The following NFATC1 variants were observed in gnomAD, a reference collection of about 807,000 sequenced individuals.
NFATC1 encodes nuclear factor of activated T cells 1.
In NFATC1, 22 loss-of-function variants were observed where a neutral mutation model predicts 76.0. That is an observed-to-expected ratio of 0.29 (90% CI 0.21 to 0.41). The LOEUF (loss-of-function observed/expected upper bound fraction) is 0.41, where lower values mean the gene tolerates loss of function less well. NFATC1 is among the 10% of genes least tolerant of loss of function. The pLI is 1.00. For missense variants in NFATC1, 1,357 were observed against 1,337.7 expected (o/e 1.01, Z -0.23); for synonymous variants, 704 against 613.1 (o/e 1.15, Z -2.19).
At chr18:79,486,104 TA>T in intron 8 of NFATC1, 143 bp from the exon 9 acceptor site, 1 of 717,436 alleles carries the variant, frequency 1.4e-6, no homozygotes, top group Non-Finnish European at 2.4e-6. Context: ...CTTTTTTTTT[TA>T]ATGGGGTGGG....
At chr18:79,494,175 C>G (rs1207043069) in intron 9 of NFATC1, among the ~76,000 whole-genome samples, 1 of 152,370 alleles carries the variant, frequency 6.6e-6, no homozygotes, top group South Asian at 2.1e-4. Context: ...AGCCAGCGAC[C>G]GCGAGGGACA....
rs182816629 is a variant in NFATC1 at position 79,423,259 on chromosome 18, G to A, written c.1227-10320G>A. Among the ~76,000 whole-genome samples, 127 of 152,262 alleles carry A rather than the reference G, an allele frequency of 8.3e-4. 1 individual carries two copies. Among genetic ancestry groups the A allele is most frequent in the African/African-American group, 3.0e-3 (123 of 41,544 alleles). ...CTTTAAAACAAAACCTCTGCACTCC[G>A]GCCTCACAGCCCAGATCCCGCGCGC... On this transcript the variant is annotated intron_variant, in intron 2 of 9. Coordinates refer to ENST00000427363, the MANE Select transcript of NFATC1 (RefSeq NM_001278669.2).
In NFATC1 at chr18:79,463,838, A is replaced by G. The variant is rs560265325; in HGVS notation, c.1959+2472A>G. Reference sequence around the variant, plus strand: ...CACATGCACGCGGGTTGCGGGATGCAGGATGCCGGAGCTGGGCTGCCCAGC... The same window carrying G: ...CACATGCACGCGGGTTGCGGGATGCGGGATGCCGGAGCTGGGCTGCCCAGC... On this transcript the variant is annotated intron_variant, in intron 7 of 9. Coordinates refer to ENST00000427363, the MANE Select transcript of NFATC1 (RefSeq NM_001278669.2). 2.6e-3 allele frequency among the ~76,000 whole-genome samples: 390 copies of G among 152,248 alleles called. 1 individual carries two copies. Among genetic ancestry groups the G allele is most frequent in the African/African-American group, 8.9e-3 (368 of 41,576 alleles).
At position 79,449,072 on chromosome 18, in the gene NFATC1, C is replaced by T. The variant is rs573890224; in HGVS notation, c.1589+88C>T. The T allele has an allele frequency of 3.4e-4, 462 of 1,349,814 alleles. No homozygotes were observed. In the African/African-American group the frequency reaches 5.8e-3, roughly 17 times the overall value. The allele number at this position is 1,349,814 out of a possible 1,614,324, so 83.6% of individuals were successfully genotyped here. On this transcript the variant is annotated intron_variant, in intron 4 of 9. Coordinates refer to ENST00000427363, the MANE Select transcript of NFATC1 (RefSeq NM_001278669.2). ...CAGTCCCGGGGGGTCTGGCCAGCCC[C>T]CCGCACTTCCAGGCTGCGTGGCCAG...
In NFATC1 at chr18:79,396,308, GC is replaced by G; in HGVS notation, c.87del (p.Ala30ArgfsTer8). ...TCTTCGGGAGAGGAGAAACTTTGGG[GC>G]CCGCGCCGCGCGCCGGCGGCACCAT... ...AVFGRGETLG[P>X]APRAGGTMKS... On this transcript the variant is annotated frameshift_variant, in exon 1 of 10. Coordinates refer to ENST00000427363, the MANE Select transcript of NFATC1 (RefSeq NM_001278669.2). LOFTEE classifies it high-confidence loss of function. The G allele has an allele frequency of 1.4e-6, 2 of 1,426,798 alleles. No individual in the cohort carries two copies. Among genetic ancestry groups the G allele is most frequent in the Non-Finnish European group, 1.9e-6 (2 of 1,076,168 alleles). The allele number at this position is 1,426,798 out of a possible 1,614,324, so 88.4% of individuals were successfully genotyped here.
intron 6 of NFATC1, among the ~76,000 whole-genome samples, chr18:79,457,958 G>A (rs961647672): frequency 6.6e-6 from 1 of 152,206 alleles, no homozygotes; most frequent in Non-Finnish European, 1.5e-5. Flanking sequence ...GAAGCCCACC[G>A]TGTGGCTGCC....
At chr18:79,492,455 A>G (rs1401800727) in intron 9 of NFATC1, among the ~76,000 whole-genome samples, 1 of 152,022 alleles carries the variant, frequency 6.6e-6, no homozygotes, top group East Asian at 1.9e-4. Flanking sequence ...CAGGCCTGTA[A>G]TCCCTGTACT....
intron 3 of NFATC1, among the ~76,000 whole-genome samples, chr18:79,445,082 G>C (rs1431974034): frequency 1.3e-5 from 2 of 152,264 alleles, no homozygotes. Flanking sequence ...GGTTTGGGGT[G>C]CTCCCTTCGA....
At chr18:79,486,120 C>A in intron 8 of NFATC1, 128 bp from the exon 9 acceptor site, 1 of 783,986 alleles carries the variant, frequency 1.3e-6, no homozygotes, top group Non-Finnish European at 2.1e-6. Context: ...GGTGGGAGAA[C>A]CAGGCAGGAG....
chr18:79,404,751 C>T (rs938722972), intron 1 of NFATC1, among the ~76,000 whole-genome samples: 4 of 152,208 alleles, frequency 2.6e-5, no homozygotes, highest in East Asian at 1.9e-4. Flanking sequence ...AAGGCAGAGG[C>T]GTGGCTGTCC....
rs1252447668 is a variant in NFATC1 at position 79,450,947 on chromosome 18, T to C, written c.1590-7T>C. The C allele has an allele frequency of 6.2e-7, 1 of 1,609,568 alleles. No homozygotes were observed. The highest frequency in any genetic ancestry group is 1.7e-5 in the Admixed American group (1 of 59,756). On this transcript the variant is annotated splice_polypyrimidine_tract_variant and splice_region_variant and intron_variant, in intron 4 of 9. Coordinates refer to ENST00000427363, the MANE Select transcript of NFATC1 (RefSeq NM_001278669.2). ...AAAGAAAAGCTGTGGGCTTTTGTTTTGGGCAGCATTGACTGTGCCGGAATC... is the reference window on the plus strand; with the variant it reads ...AAAGAAAAGCTGTGGGCTTTTGTTTCGGGCAGCATTGACTGTGCCGGAATC...
chr18:79,464,562 C>T (rs566985489), intron 7 of NFATC1, among the ~76,000 whole-genome samples: 96 of 150,816 alleles, frequency 6.4e-4, no homozygotes, highest in Non-Finnish European at 9.5e-4. Context: ...ATTGGGCATG[C>T]GTCCTGCTCC....
At chr18:79,513,581 G>A (rs995926659) in intron 9 of NFATC1, among the ~76,000 whole-genome samples, 3 of 152,384 alleles carry the variant, frequency 2.0e-5, no homozygotes, top group South Asian at 2.1e-4. Context: ...TCCCGCCGGC[G>A]GGGGCGTGGA....
intron 9 of NFATC1, among the ~76,000 whole-genome samples, chr18:79,526,555 G>A (rs566331116): frequency 2.8e-4 from 43 of 152,336 alleles, no homozygotes; most frequent in Non-Finnish European, 4.4e-4. Flanking sequence ...CTCTGGCCCC[G>A]CAGAGCCTTG....
intron 7 of NFATC1, among the ~76,000 whole-genome samples, chr18:79,466,166 C>A (rs2088483384): frequency 6.6e-6 from 1 of 152,162 alleles, no homozygotes; most frequent in Non-Finnish European, 1.5e-5. Flanking sequence ...AATGAAAGAG[C>A]CTGGACCTCA....
chr18:79,495,362 G>T (rs1009646882), intron 9 of NFATC1, among the ~76,000 whole-genome samples: 2 of 152,216 alleles, frequency 1.3e-5, no homozygotes, highest in Non-Finnish European at 2.9e-5. Flanking sequence ...TGAATTCTAT[G>T]CTGTTTCTAG....
At chr18:79,510,471 C>G (rs536965812) in intron 9 of NFATC1, among the ~76,000 whole-genome samples, 1 of 152,340 alleles carries the variant, frequency 6.6e-6, no homozygotes, top group East Asian at 1.9e-4. Flanking sequence ...CTGATGGCAC[C>G]TGCGTGGTTG....
intron 2 of NFATC1, among the ~76,000 whole-genome samples, chr18:79,428,550 G>A (rs1004148): frequency 0.17 from 25,715 of 152,192 alleles, 3,625 homozygotes; most frequent in African/African-American, 0.39. Flanking sequence ...GGATGTTTGC[G>A]TTGCCAGCGT....
At chr18:79,453,491 G>A (rs1186976409) in intron 6 of NFATC1, among the ~76,000 whole-genome samples, 1 of 152,222 alleles carries the variant, frequency 6.6e-6, no homozygotes, top group Non-Finnish European at 1.5e-5. Context: ...GCCCCTACAG[G>A]CAGCCCCTCC....
Sources: allele counts gnomAD v4.1 joint callset (sites outside exome capture counted in the v4.1 genomes callset), GRCh38; gene constraint gnomAD v4.1.1; transcripts MANE v1.5; gene names NCBI Gene and HGNC (gene_info 2026-07-23, HGNC 2026-07-21).